The following P2RY14 variants were observed in gnomAD, a reference collection of about 807,000 sequenced individuals.
P2RY14 encodes the protein purinergic receptor P2Y14.
In P2RY14, 2 loss-of-function variants were observed where a neutral mutation model predicts 0.9. The observed-to-expected ratio is 2.16, with a 90% CI of 0.88 to 6.79. The LOEUF (loss-of-function observed/expected upper bound fraction) is 6.79, where lower values mean the gene tolerates loss of function less well. P2RY14 is among the 30% of genes most tolerant of loss of function. The probability of loss-of-function intolerance (pLI) is 0.05; values close to 1 mark genes in which losing one functional copy is unlikely to be tolerated. For missense variants in P2RY14, 378 were observed against 400.1 expected, an observed-to-expected ratio of 0.94 and a Z score of 0.47; for synonymous variants, 158 against 147.2, an observed-to-expected ratio of 1.07 and a Z score of -0.53.
intron 1 of P2RY14, among the ~76,000 whole-genome samples, chr3:151,238,110 A>G (rs897920041): frequency 6.6e-5 from 10 of 151,752 alleles, no homozygotes; most frequent in African/African-American, 1.7e-4. Context: ...TTTCTGTCCT[A>G]AAGTTTAGAA....
At chr3:151,235,088 A>G (rs1035161220) in intron 1 of P2RY14, among the ~76,000 whole-genome samples, 5 of 152,226 alleles carry the variant, frequency 3.3e-5, no homozygotes, top group Non-Finnish European at 5.9e-5. Context: ...AGGCAAACCA[A>G]TATTCCTTGT....
intron 1 of P2RY14, among the ~76,000 whole-genome samples, chr3:151,234,202 G>C (rs1044670308): frequency 6.6e-6 from 1 of 152,190 alleles, no homozygotes; most frequent in Non-Finnish European, 1.5e-5. Flanking sequence ...ACAGGAGAAT[G>C]GGTAAAAAAC....
chr3:151,243,843 C>G (rs375906121), intron 1 of P2RY14, among the ~76,000 whole-genome samples: 1 of 150,790 alleles, frequency 6.6e-6, no homozygotes, highest in Non-Finnish European at 1.5e-5. Context: ...AGAGTCAAGA[C>G]CCATCAGTGT....
intron 1 of P2RY14, among the ~76,000 whole-genome samples, chr3:151,224,287 A>G (rs9854017): frequency 0.1 from 15,921 of 152,152 alleles, 1,120 homozygotes; most frequent in Middle Eastern, 0.17. Context: ...GCTTTAATAC[A>G]CAGTGCTCTG....
chr3:151,247,927 A>C (rs1312685878), intron 1 of P2RY14, among the ~76,000 whole-genome samples: 1 of 100,474 alleles, frequency 1.0e-5, no homozygotes, highest in African/African-American at 3.7e-5. Flanking sequence ...TTTTAAAAAG[A>C]TTTTCTTTTG....
chr3:151,268,784 C>T (rs1740314468), intron 1 of P2RY14, among the ~76,000 whole-genome samples: 2 of 152,144 alleles, frequency 1.3e-5, no homozygotes, highest in African/African-American at 4.8e-5. Flanking sequence ...ATGGAGGAAT[C>T]AAGGAAGCAA....
chr3:151,213,847 A>G lies in P2RY14; in HGVS notation c.470T>C (p.Ile157Thr). Residue 157 changes from isoleucine to threonine, a missense_variant, in exon 3 of 3, where the codon ATT becomes ACT. Transcript: ENST00000309170. ...MLMLLLAVPN[I>T]ILTNQSVREV... ...CCTAACACTCTGGTTGGTGAGAATA[A>G]TATTTGGAACAGCAAGGAGGAGCAT... 4 of 1,614,154 alleles carry G rather than the reference A, an allele frequency of 2.5e-6. No homozygotes were observed. In the South Asian group the frequency reaches 3.3e-5, roughly 13 times the overall value.
intron 1 of P2RY14, among the ~76,000 whole-genome samples, chr3:151,225,683 C>A (rs1238717214): frequency 6.6e-6 from 1 of 152,094 alleles, no homozygotes; most frequent in Non-Finnish European, 1.5e-5. Flanking sequence ...TTGTCCGTGC[C>A]CTGTCTAGGC....
chr3:151,249,785 A>G (rs1159239580), intron 1 of P2RY14, among the ~76,000 whole-genome samples: 13 of 152,102 alleles, frequency 8.5e-5, no homozygotes, highest in Admixed American at 7.2e-4. Context: ...TTCCTTCTTT[A>G]ACAAGTTCTT....
At chr3:151,256,671 C>T (rs1046784065) in intron 1 of P2RY14, among the ~76,000 whole-genome samples, 28 of 152,068 alleles carry the variant, frequency 1.8e-4, no homozygotes, top group African/African-American at 6.0e-4. Context: ...ATGAGTTTCT[C>T]GTATTTTAAG....
intron 1 of P2RY14, among the ~76,000 whole-genome samples, chr3:151,241,141 T>TA (rs1020689435): frequency 6.6e-6 from 1 of 152,200 alleles, no homozygotes; most frequent in African/African-American, 2.4e-5. Context: ...AAAAATTATG[T>TA]AAAATATCAT....
In P2RY14 at chr3:151,221,090, T is replaced by C. The variant is rs546632112; in HGVS notation, c.-132-1448A>G. Among the ~76,000 whole-genome samples the C allele has an allele frequency of 3.3e-5, 5 of 152,342 alleles. No individual in the cohort carries two copies. The South Asian group carries it at 8.3e-4, about 25-fold the overall frequency. ...AATGGAGCAAAAGTGATTCTTGTTA[T>C]GTTTTAGCAAAGAGACTGGAGGCAT... is the stretch of plus-strand genomic sequence containing the variant. On this transcript the variant is annotated intron_variant, in intron 1 of 2. Transcript: ENST00000309170.
rs566300513 is a variant in P2RY14, at chr3:151,252,427, G to T, written c.-133+25860C>A. Among the ~76,000 whole-genome samples the T allele has an allele frequency of 2.0e-5, 3 of 152,080 alleles. No homozygotes were observed. In the East Asian group the frequency reaches 5.8e-4, roughly 29 times the overall value. ...CTGGCATAAATACTGATTTTTAATTGTCTGCCAGTTGTTTCTCCCAACTAG... is the reference window on the plus strand; with the variant it reads ...CTGGCATAAATACTGATTTTTAATTTTCTGCCAGTTGTTTCTCCCAACTAG... On this transcript the variant is annotated intron_variant, in intron 1 of 2. Transcript: ENST00000309170.
chr3:151,232,307 C>G (rs748187713), intron 1 of P2RY14, among the ~76,000 whole-genome samples: 1 of 152,212 alleles, frequency 6.6e-6, no homozygotes, highest in Non-Finnish European at 1.5e-5. Context: ...ACCCTCCCAC[C>G]AATGTGTGGA....
At chr3:151,253,612 TCA>T (rs1737250347) in intron 1 of P2RY14, among the ~76,000 whole-genome samples, 1 of 152,168 alleles carries the variant, frequency 6.6e-6, no homozygotes, top group Non-Finnish European at 1.5e-5. Flanking sequence ...TTGTACTGTA[TCA>T]CAGATGGTGA....
chr3:151,258,959 C>T (rs1235601698), intron 1 of P2RY14, among the ~76,000 whole-genome samples: 3 of 152,020 alleles, frequency 2.0e-5, no homozygotes, highest in East Asian at 3.9e-4. Context: ...CTGCAGGCTT[C>T]GCCTTTGCCA....
chr3:151,229,739 A>G (rs1731257646), intron 1 of P2RY14, among the ~76,000 whole-genome samples: 1 of 152,176 alleles, frequency 6.6e-6, no homozygotes, highest in African/African-American at 2.4e-5. Context: ...TGCTGGGATT[A>G]CAGGCATGAG....
intron 2 of P2RY14, among the ~76,000 whole-genome samples, chr3:151,215,051 A>G (rs1259198170): frequency 6.6e-6 from 1 of 152,120 alleles, no homozygotes; most frequent in Non-Finnish European, 1.5e-5. Context: ...TAACAAACAT[A>G]TACATTCAAA....
intron 1 of P2RY14, among the ~76,000 whole-genome samples, chr3:151,252,856 G>A (rs1266833713): frequency 6.6e-6 from 1 of 152,000 alleles, no homozygotes; most frequent in East Asian, 1.9e-4. Context: ...CTGGTATTTG[G>A]GGTTGTGTGG....
Sources: gnomAD v4.1 joint callset for allele counts (sites outside exome capture counted in the v4.1 genomes callset) on GRCh38, gnomAD v4.1.1 for gene constraint, MANE v1.5 for transcripts, NCBI Gene and HGNC (gene_info 2026-07-23, HGNC 2026-07-21) for gene names.